The following SLC39A11 variants were observed in gnomAD, a reference collection of about 807,000 sequenced individuals.
SLC39A11 encodes solute carrier family 39 member 11.
In SLC39A11, 33 loss-of-function variants were observed where a neutral mutation model predicts 36.1. The observed-to-expected ratio is 0.91, with a 90% CI of 0.69 to 1.22. The LOEUF is 1.22. Ranked by LOEUF, SLC39A11 falls within the 50% of genes most tolerant of loss-of-function variation. The pLI is 0.00. For synonymous variants in SLC39A11, 166 were observed against 170.3 expected (o/e 0.97, Z 0.20); for missense variants, 432 against 430.3 (o/e 1.00, Z -0.03).
intron 5 of SLC39A11, among the ~76,000 whole-genome samples, chr17:72,902,131 C>A: frequency 6.6e-6 from 1 of 152,074 alleles, no homozygotes; most frequent in South Asian, 2.1e-4. Context: ...ATTAGCCAGG[C>A]GTGGTGGCAC....
At position 72,957,397 on chromosome 17, in the gene SLC39A11, A is replaced by T. The variant is rs932233478; in HGVS notation, c.307-9522T>A. The stretch of plus-strand genomic sequence containing the variant: ...CCCCAGGAATTCCCTGCAGCTCTCC[A>T]TGGATCCAGACTAGAAACAATTGCT... On this transcript the variant is annotated intron_variant, in intron 4 of 9. Transcript: ENST00000255559. 1.3e-5 allele frequency among the ~76,000 whole-genome samples: 2 copies of T among 152,352 alleles called. 1 individual carries two copies. The highest frequency in any genetic ancestry group is 1.3e-4 in the Admixed American group (2 of 15,304).
At chr17:72,741,587 G>C (rs551687868) in intron 6 of SLC39A11, among the ~76,000 whole-genome samples, 2 of 152,170 alleles carry the variant, frequency 1.3e-5, no homozygotes. Flanking sequence ...TCACAGAGAC[G>C]TTAGGATCTT....
At chr17:72,876,498 G>C (rs560094454) in intron 5 of SLC39A11, among the ~76,000 whole-genome samples, 2 of 152,248 alleles carry the variant, frequency 1.3e-5, no homozygotes, top group East Asian at 3.9e-4. Flanking sequence ...ACACAGAAAT[G>C]GACCCTCCCA....
intron 5 of SLC39A11, among the ~76,000 whole-genome samples, chr17:72,905,172 C>CAAAAAAAAAAAAAA (rs58702930): frequency 4.0e-4 from 17 of 42,918 alleles, no homozygotes; most frequent in African/African-American, 1.4e-3. Flanking sequence ...GACTCCATCT[C>CAAAAAAAAAAAAAA]AAAAAAAAAA....
rs565850712 is a variant in SLC39A11 at position 72,698,080 on chromosome 17, A to G, written c.671+38570T>C. Among the ~76,000 whole-genome samples, 17 of 152,336 alleles carry G rather than the reference A, an allele frequency of 1.1e-4. No homozygotes were observed. The South Asian group carries it at 3.5e-3, about 32-fold the overall frequency. On this transcript the variant is annotated intron_variant, in intron 7 of 9. Coordinates refer to ENST00000255559, the MANE Select transcript of SLC39A11 (RefSeq NM_139177.4). ...TTGTTCTACGCGGGCCTGGTTTAGT[A>G]TTATCCTGATAAGATAAACACAGAT...
intron 5 of SLC39A11, among the ~76,000 whole-genome samples, chr17:72,872,615 T>C (rs780462308): frequency 6.6e-5 from 10 of 152,342 alleles, no homozygotes; most frequent in Non-Finnish European, 8.8e-5. Flanking sequence ...TCCCTGGACA[T>C]AGGCCAAGCT....
intron 7 of SLC39A11, among the ~76,000 whole-genome samples, chr17:72,670,960 G>A (rs1020479532): frequency 2.6e-5 from 4 of 152,182 alleles, no homozygotes; most frequent in Non-Finnish European, 4.4e-5. Context: ...TGAAATATAC[G>A]TACACATACT....
intron 6 of SLC39A11, among the ~76,000 whole-genome samples, chr17:72,794,305 C>T (rs1433367825): frequency 2.0e-5 from 3 of 152,040 alleles, no homozygotes; most frequent in Non-Finnish European, 4.4e-5. Context: ...GGCAGCAAAG[C>T]CTTGGAGAAT....
intron 4 of SLC39A11, among the ~76,000 whole-genome samples, chr17:73,010,426 C>A (rs115171914): frequency 0.018 from 2,754 of 152,266 alleles, 40 homozygotes; most frequent in Non-Finnish European, 0.03. Context: ...AACCCAGTAA[C>A]TAAACAAAAG....
intron 5 of SLC39A11, among the ~76,000 whole-genome samples, chr17:72,887,661 A>G (rs1295491973): frequency 6.6e-6 from 1 of 152,226 alleles, no homozygotes; most frequent in Non-Finnish European, 1.5e-5. Context: ...CTGATATAAA[A>G]GATTGCTTAT....
intron 6 of SLC39A11, among the ~76,000 whole-genome samples, chr17:72,789,191 T>C (rs1385948212): frequency 1.3e-5 from 2 of 152,118 alleles, no homozygotes; most frequent in South Asian, 2.1e-4. Flanking sequence ...CACGCCACCA[T>C]GTCCGGCTAA....
At chr17:72,925,755 A>G (rs759195500) in intron 5 of SLC39A11, among the ~76,000 whole-genome samples, 30 of 152,214 alleles carry the variant, frequency 2.0e-4, no homozygotes, top group Non-Finnish European at 4.0e-4. Flanking sequence ...CAAGGACGTC[A>G]TGAGTTTCCA....
At chr17:72,716,238 C>T (rs2073356400) in intron 7 of SLC39A11, among the ~76,000 whole-genome samples, 1 of 152,042 alleles carries the variant, frequency 6.6e-6, no homozygotes, top group Admixed American at 6.5e-5. Flanking sequence ...AGAATGAAAA[C>T]CTGACGACCT....
chr17:73,001,453 A>G (rs1431861648), intron 4 of SLC39A11, among the ~76,000 whole-genome samples: 1 of 149,268 alleles, frequency 6.7e-6, no homozygotes, highest in Non-Finnish European at 1.5e-5. Context: ...TAGGAGATAT[A>G]CCTAATGCTA....
intron 7 of SLC39A11, among the ~76,000 whole-genome samples, chr17:72,692,386 A>G (rs1362691665): frequency 1.3e-5 from 2 of 152,154 alleles, no homozygotes; most frequent in Non-Finnish European, 2.9e-5. Flanking sequence ...TCATGCTGCT[A>G]ATAAAGACAT....
chr17:72,829,438 G>T (rs62071206), intron 6 of SLC39A11, among the ~76,000 whole-genome samples: 15,826 of 151,946 alleles, frequency 0.1, 964 homozygotes, highest in African/African-American at 0.17. Flanking sequence ...CCGGTGATCA[G>T]TGGGATTTGG....
At chr17:72,717,367 C>T (rs1249656638) in intron 7 of SLC39A11, among the ~76,000 whole-genome samples, 1 of 151,952 alleles carries the variant, frequency 6.6e-6, no homozygotes, top group Non-Finnish European at 1.5e-5. Context: ...TTCTCACAGC[C>T]CTGGAGGCCA....
chr17:72,923,951 C>A (rs2083864054), intron 5 of SLC39A11, among the ~76,000 whole-genome samples: 1 of 151,730 alleles, frequency 6.6e-6, no homozygotes, highest in South Asian at 2.1e-4. Context: ...TCAAGACCAG[C>A]CCAAACAATA....
At chr17:72,768,968 G>C (rs1201865418) in intron 6 of SLC39A11, among the ~76,000 whole-genome samples, 3 of 152,096 alleles carry the variant, frequency 2.0e-5, no homozygotes, top group African/African-American at 7.2e-5. Flanking sequence ...CACCGTGTTA[G>C]CCAGGATGGT....
Sources: gnomAD v4.1 joint callset for allele counts (sites outside exome capture counted in the v4.1 genomes callset) on GRCh38, gnomAD v4.1.1 for gene constraint, MANE v1.5 for transcripts, NCBI Gene and HGNC (gene_info 2026-07-23, HGNC 2026-07-21) for gene names.